Variants in PRKG1 observed in about 807,000 individuals in gnomAD.
PRKG1 encodes the protein protein kinase cGMP-dependent 1.
In PRKG1, 35 loss-of-function variants were observed where a neutral mutation model predicts 88.1. The observed-to-expected ratio is 0.40, with a 90% CI of 0.30 to 0.53. PRKG1 has a LOEUF of 0.53. PRKG1 is among the 20% of genes least tolerant of loss of function. The probability of loss-of-function intolerance (pLI) is 0.59; values close to 1 mark genes in which losing one functional copy is unlikely to be tolerated. For missense variants in PRKG1, 540 were observed against 839.8 expected (o/e 0.64, Z 4.41); for synonymous variants, 303 against 292.5 (o/e 1.04, Z -0.37).
intron 4 of PRKG1, among the ~76,000 whole-genome samples, chr10:51,870,899 C>T (rs1465276859): frequency 1.3e-5 from 2 of 152,166 alleles, no homozygotes; most frequent in Non-Finnish European, 1.5e-5. Context: ...GGGGCTGCTC[C>T]AGTCTCCAGC....
chr10:51,124,744 C>T lies in PRKG1; in HGVS notation c.312-28420C>T, dbSNP rs1347018129. 3.3e-5 allele frequency among the ~76,000 whole-genome samples: 5 copies of T among 152,020 alleles called. No homozygotes were observed. In the East Asian group the frequency reaches 9.6e-4, roughly 29 times the overall value. On this transcript the variant is annotated intron_variant, in intron 1 of 17. Transcript: ENST00000373980. Reference sequence around the variant, plus strand: ...GTTCTATAATCCTTTTGTTTGCTTACAAAAAAACGGGGAAACTCCAAACGG... The same window carrying T: ...GTTCTATAATCCTTTTGTTTGCTTATAAAAAAACGGGGAAACTCCAAACGG...
intron 8 of PRKG1, among the ~76,000 whole-genome samples, chr10:52,152,296 T>C (rs527271147): frequency 5.3e-5 from 8 of 152,270 alleles, no homozygotes; most frequent in Non-Finnish European, 8.8e-5. Flanking sequence ...AGTTCCTAAA[T>C]AGAGATACTG....
intron 2 of PRKG1, among the ~76,000 whole-genome samples, chr10:51,221,866 TC>T (rs1346357499): frequency 1.4e-5 from 2 of 144,690 alleles, no homozygotes; most frequent in Non-Finnish European, 3.0e-5. Flanking sequence ...TTCATATTTT[TC>T]TTTTCTTTCT....
chr10:51,018,539 G>A lies in PRKG1; in HGVS notation c.266+26895G>A, dbSNP rs112465010. ...CAGTTGAACATGCTGCCTCTTTTAC[G>A]GTAGATAAAATCAGTTTTTTTGATA... On this transcript the variant is annotated intron_variant, in intron 1 of 17. Transcript: ENST00000401604. 1.6e-3 allele frequency among the ~76,000 whole-genome samples: 249 copies of A among 152,148 alleles called. 1 individual carries two copies. The highest frequency in any genetic ancestry group is 5.9e-3 in the African/African-American group (243 of 41,516).
intron 2 of PRKG1, among the ~76,000 whole-genome samples, chr10:51,172,011 A>G (rs1837038243): frequency 7.5e-3 from 1 of 134 alleles, no homozygotes; most frequent in Admixed American, 0.071. Flanking sequence ...TAGCATTTCA[A>G]TTACCTTTTA....
Position 52,297,491 on chromosome 10 carries a change from C to G in PRKG1, c.*3591C>G, listed in dbSNP as rs555223647. ...GTTCTTTCTGCTAACAATTTATAAGCCTTTATTATATAATATTGATGAATT... is the reference window on the plus strand; with the variant it reads ...GTTCTTTCTGCTAACAATTTATAAGGCTTTATTATATAATATTGATGAATT... On this transcript the variant is annotated 3_prime_UTR_variant, in exon 18 of 18. Transcript: ENST00000373980. The G allele has an allele frequency of 6.6e-6, 1 of 152,046 alleles. No homozygotes were observed. Among genetic ancestry groups the G allele is most frequent in the Non-Finnish European group, 1.5e-5 (1 of 68,016 alleles). 9.4% of individuals were successfully genotyped at this position (152,046 alleles called of 1,614,324 possible). A position where few individuals can be genotyped will look rare whatever the true frequency, so the allele number is the denominator to read the frequency against.
chr10:51,300,086 A>G (rs961208965), intron 2 of PRKG1, among the ~76,000 whole-genome samples: 4 of 152,234 alleles, frequency 2.6e-5, no homozygotes, highest in Non-Finnish European at 4.4e-5. Flanking sequence ...TGATTGGATT[A>G]CTTGCTCAGC....
At chr10:51,851,126 T>C (rs909913055) in intron 4 of PRKG1, among the ~76,000 whole-genome samples, 2 of 152,078 alleles carry the variant, frequency 1.3e-5, no homozygotes, top group South Asian at 2.1e-4. Flanking sequence ...CAGCTGTTAA[T>C]AGATAATCAG....
intron 9 of PRKG1, among the ~76,000 whole-genome samples, chr10:52,207,819 A>T (rs912114743): frequency 2.0e-5 from 3 of 150,856 alleles, no homozygotes; most frequent in African/African-American, 4.9e-5. Flanking sequence ...TTCCCAGCTT[A>T]CTCCCCCTTC....
At chr10:52,289,042 G>A (rs1842181432) in intron 16 of PRKG1, 49 bp downstream of exon 16, 3 of 1,526,014 alleles carry the variant, frequency 2.0e-6, no homozygotes, top group South Asian at 2.4e-5. Context: ...CATTTCCCCA[G>A]GGTGTTGCTT....
At chr10:51,571,156 G>T (rs778908143) in intron 3 of PRKG1, among the ~76,000 whole-genome samples, 1 of 151,888 alleles carries the variant, frequency 6.6e-6, no homozygotes, top group Non-Finnish European at 1.5e-5. Flanking sequence ...AGTAATTAGG[G>T]TTGTCATGAG....
chr10:51,856,747 C>T (rs1050269729), intron 4 of PRKG1, among the ~76,000 whole-genome samples: 2 of 151,764 alleles, frequency 1.3e-5, no homozygotes, highest in Non-Finnish European at 2.9e-5. Flanking sequence ...AGGTGGATCA[C>T]GAGGTCAGGA....
intron 4 of PRKG1, among the ~76,000 whole-genome samples, chr10:51,888,892 G>A (rs1841641037): frequency 6.6e-6 from 1 of 152,260 alleles, no homozygotes; most frequent in Non-Finnish European, 1.5e-5. Flanking sequence ...TCACTGACAA[G>A]AAAATAGACT....
At chr10:51,593,708 T>C (rs1442837915) in intron 3 of PRKG1, among the ~76,000 whole-genome samples, 1 of 151,264 alleles carries the variant, frequency 6.6e-6, no homozygotes, top group Non-Finnish European at 1.5e-5. Flanking sequence ...TAGAAAAGTA[T>C]GGCACCAAAA....
At chr10:51,646,375 C>T (rs916665243) in intron 3 of PRKG1, among the ~76,000 whole-genome samples, 2 of 152,002 alleles carry the variant, frequency 1.3e-5, no homozygotes, top group African/African-American at 4.8e-5. Flanking sequence ...TTCTCCTCCT[C>T]TTCCTCTAAC....
intron 3 of PRKG1, among the ~76,000 whole-genome samples, chr10:51,532,109 G>A (rs1320421778): frequency 6.6e-6 from 1 of 152,140 alleles, no homozygotes; most frequent in Non-Finnish European, 1.5e-5. Flanking sequence ...TGAGCTACCT[G>A]TTACCTCTCT....
chr10:51,299,731 G>A, intron 2 of PRKG1: 2 of 395,812 alleles, frequency 5.1e-6, no homozygotes, highest in Non-Finnish European at 9.7e-6. Flanking sequence ...GTTTTTTCCT[G>A]GCCTCTCAAT....
rs532872100 is a variant in PRKG1, at chr10:51,817,691, T to C, written c.698+13001T>C. On this transcript the variant is annotated intron_variant, in intron 4 of 17. Transcript: ENST00000373980. ...TGTTGTTATTTTTAATTTATGTTTC[T>C]ATCTTGTCTGGATAAAAATATGACA... Among the ~76,000 whole-genome samples the C allele has an allele frequency of 2.6e-5, 4 of 152,332 alleles. No homozygotes were observed. The South Asian group carries it at 8.3e-4, about 32-fold the overall frequency.
chr10:51,680,046 G>A (rs931752062), intron 3 of PRKG1, among the ~76,000 whole-genome samples: 1 of 152,126 alleles, frequency 6.6e-6, no homozygotes, highest in Non-Finnish European at 1.5e-5. Context: ...AGATGGAAAA[G>A]GAAAGTGCCT....
Sources: allele counts gnomAD v4.1 joint callset (sites outside exome capture counted in the v4.1 genomes callset), GRCh38; gene constraint gnomAD v4.1.1; transcripts MANE v1.5; gene names NCBI Gene and HGNC (gene_info 2026-07-23, HGNC 2026-07-21).